MSI2: variants seen among roughly 807,000 people sequenced by gnomAD.
The protein encoded by MSI2 is RNA-binding protein Musashi homolog 2.
A neutral mutation model predicts 45.6 loss-of-function variants in MSI2; 17 were observed. The observed-to-expected ratio is 0.37, with a 90% CI of 0.26 to 0.56. MSI2 has a LOEUF of 0.56. Ranked by LOEUF, MSI2 falls within the 20% of genes least tolerant of loss-of-function variation. MSI2 has a pLI of 0.77. For missense variants in MSI2, 293 were observed against 444.2 expected, an observed-to-expected ratio of 0.66 and a Z score of 3.06; for synonymous variants, 156 against 158.2, an observed-to-expected ratio of 0.99 and a Z score of 0.11.
intron 6 of MSI2, among the ~76,000 whole-genome samples, chr17:57,432,156 G>A (rs1229592381): frequency 6.6e-6 from 1 of 152,136 alleles, no homozygotes; most frequent in East Asian, 1.9e-4. Context: ...GAATTACCAG[G>A]CACTTAATGT....
chr17:57,638,844 G>A (rs114070969), intron 10 of MSI2, among the ~76,000 whole-genome samples: 1,994 of 152,290 alleles, frequency 0.013, 52 homozygotes, highest in African/African-American at 0.045. Flanking sequence ...CAGGGTTATA[G>A]TAAGCTGTGA....
At chr17:57,665,065 A>G (rs192640168) in intron 11 of MSI2, among the ~76,000 whole-genome samples, 162 of 152,312 alleles carry the variant, frequency 1.1e-3, no homozygotes, top group African/African-American at 3.7e-3. Context: ...CTGGTACCCC[A>G]GCCTCCTCTA....
chr17:57,273,948 A>G (rs979045922), intron 5 of MSI2, among the ~76,000 whole-genome samples: 6 of 152,218 alleles, frequency 3.9e-5, no homozygotes, highest in African/African-American at 1.4e-4. Flanking sequence ...AACTGCTCTG[A>G]GAGTTTGAAC....
At chr17:57,380,994 G>C (rs539100565) in intron 5 of MSI2, among the ~76,000 whole-genome samples, 9 of 152,108 alleles carry the variant, frequency 5.9e-5, no homozygotes, top group Non-Finnish European at 1.3e-4. Flanking sequence ...CATACCCCCA[G>C]CTCCCACACC....
intron 6 of MSI2, among the ~76,000 whole-genome samples, chr17:57,402,408 C>T (rs1030858743): frequency 1.3e-5 from 2 of 152,204 alleles, no homozygotes; most frequent in African/African-American, 4.8e-5. Context: ...TTTGGGTCTT[C>T]CCTGCTGAAG....
At chr17:57,469,597 A>T (rs567189392) in intron 6 of MSI2, among the ~76,000 whole-genome samples, 1 of 152,328 alleles carries the variant, frequency 6.6e-6, no homozygotes, top group South Asian at 2.1e-4. Flanking sequence ...TTTGGCTTCA[A>T]AGCTCTGTTA....
chr17:57,472,049 G>C (rs528553985), intron 6 of MSI2, among the ~76,000 whole-genome samples: 1 of 152,178 alleles, frequency 6.6e-6, no homozygotes, highest in Non-Finnish European at 1.5e-5. Context: ...GTGGGTGGGC[G>C]TGCCCTTGCT....
intron 6 of MSI2, among the ~76,000 whole-genome samples, chr17:57,474,123 A>AATACCCCAGG (rs2085492679): frequency 6.6e-6 from 1 of 152,122 alleles, no homozygotes. Flanking sequence ...GCTGATCTGC[A>AATACCCCAGG]GCACCCAGGG....
the MSI2 span, among the ~76,000 whole-genome samples, chr17:57,692,732 T>TTTGTA: frequency 6.6e-6 from 1 of 152,008 alleles, no homozygotes; most frequent in African/African-American, 2.4e-5. Flanking sequence ...TTTGTTTTGT[T>TTTGTA]TTGTTTCTTT....
rs1598031812 is a variant in MSI2, at chr17:57,256,697, T to C, written c.-46T>C. On this transcript the variant is annotated 5_prime_UTR_variant, in exon 1 of 14. Transcript: ENST00000284073. Reference sequence around the variant, plus strand: ...CCGGCCGCCGCTCCGCTCCGATCGCTGTGGGGCTTGGTTTTTTGGGGGTGG... The same window carrying C: ...CCGGCCGCCGCTCCGCTCCGATCGCCGTGGGGCTTGGTTTTTTGGGGGTGG... The C allele has an allele frequency of 4.3e-6, 3 of 701,332 alleles. No individual in the cohort carries two copies. Among genetic ancestry groups the C allele is most frequent in the Non-Finnish European group, 5.4e-6 (3 of 553,904 alleles). 43.4% of individuals were successfully genotyped at this position (701,332 alleles called of 1,614,324 possible).
Position 57,611,041 on chromosome 17 carries a change from G to T in MSI2, c.538-4929G>T, listed in dbSNP as rs116825420. On this transcript the variant is annotated intron_variant, in intron 8 of 13. Transcript: ENST00000284073. Reference sequence around the variant, plus strand: ...CAGTTGGTCATCAGTGGCCTCTGAGGCTTCTTACAAGTGCTCAGTCAGATG... The same window carrying T: ...CAGTTGGTCATCAGTGGCCTCTGAGTCTTCTTACAAGTGCTCAGTCAGATG... 6.2e-3 allele frequency among the ~76,000 whole-genome samples: 590 copies of T among 94,952 alleles called. 176 individuals carry two copies. The highest frequency in any genetic ancestry group is 0.018 in the African/African-American group (560 of 30,464). 62.3% of individuals were successfully genotyped at this position (94,952 alleles called of 152,430 possible).
At chr17:57,673,144 G>A (rs757141951) in intron 11 of MSI2, among the ~76,000 whole-genome samples, 1 of 152,172 alleles carries the variant, frequency 6.6e-6, no homozygotes, top group Non-Finnish European at 1.5e-5. Context: ...GCTTGATTTG[G>A]TCTCCCGTGT....
chr17:57,339,209 C>T (rs1439342094), intron 5 of MSI2, among the ~76,000 whole-genome samples: 5 of 152,202 alleles, frequency 3.3e-5, no homozygotes, highest in Non-Finnish European at 7.3e-5. Context: ...AGGCACCACC[C>T]GGTTTCACTG....
chr17:57,378,391 G>A (rs2083538926), intron 5 of MSI2, among the ~76,000 whole-genome samples: 1 of 151,996 alleles, frequency 6.6e-6, no homozygotes, highest in African/African-American at 2.4e-5. Flanking sequence ...AGCCTCCCGA[G>A]TAGCTGGGAT....
At position 57,627,242 on chromosome 17, in the gene MSI2, C is replaced by T. The variant is rs549686242; in HGVS notation, c.666C>T (p.Phe222=). Residue 222 remains phenylalanine, a synonymous_variant, in exon 10 of 14, where the codon TTC becomes TTT. Transcript: ENST00000284073. The surrounding 1 kb of genome is among the most constrained non-coding windows in gnomAD (Gnocchi z 4.6). ...TTTGTGTTCAAGGATATCCCAACTT[C>T]GTGGCGACCTATGGCCGTGGCTACC... ...LGMGMLGYPN[F]VATYGRGYPG... 1.1e-5 allele frequency: 17 copies of T among 1,614,086 alleles called. No homozygotes were observed. The African/African-American group carries it at 1.6e-4, about 15-fold the overall frequency.
At chr17:57,665,762 C>G (rs1427276051) in intron 11 of MSI2, among the ~76,000 whole-genome samples, 1 of 152,204 alleles carries the variant, frequency 6.6e-6, no homozygotes, top group Non-Finnish European at 1.5e-5. Context: ...CTCTGGGTGG[C>G]CCCCTGGGTC....
intron 7 of MSI2, among the ~76,000 whole-genome samples, chr17:57,560,497 C>A (rs1393514281): frequency 6.6e-6 from 1 of 152,218 alleles, no homozygotes; most frequent in Non-Finnish European, 1.5e-5. Context: ...CAGATCACCA[C>A]GTTTTGGGAG....
chr17:57,687,011 C>CA (rs1283797141), downstream of MSI2, among the ~76,000 whole-genome samples: 1 of 148,314 alleles, frequency 6.7e-6, no homozygotes, highest in Non-Finnish European at 1.5e-5. Flanking sequence ...AGCAGCCCCC[C>CA]CCCCAAAAAA....
At chr17:57,584,876 C>G (rs1224915924) in intron 7 of MSI2, among the ~76,000 whole-genome samples, 1 of 151,706 alleles carries the variant, frequency 6.6e-6, no homozygotes, top group African/African-American at 2.4e-5. Context: ...GGCTAGAATG[C>G]ATTGGCATGA....
Sources: gnomAD v4.1 joint callset for allele counts (sites outside exome capture counted in the v4.1 genomes callset) on GRCh38, gnomAD v4.1.1 for gene constraint, Gnocchi (gnomAD v3.1) non-coding constraint, MANE v1.5 for transcripts, NCBI Gene and HGNC (gene_info 2026-07-23, HGNC 2026-07-21) for gene names.